CCSER1: variants seen among roughly 807,000 people sequenced by gnomAD.
CCSER1 encodes serine-rich coiled-coil domain-containing protein 1.
CCSER1 carries 41 observed loss-of-function variants against 82.0 expected under a neutral mutation model. The observed-to-expected ratio is 0.50, with a 90% CI of 0.39 to 0.65. The LOEUF is 0.65. Ranked by LOEUF, CCSER1 falls within the 30% of genes least tolerant of loss-of-function variation. The probability of loss-of-function intolerance (pLI) is 0.00; values close to 1 mark genes in which losing one functional copy is unlikely to be tolerated. For missense variants in CCSER1, 1,119 were observed against 1,064.2 expected, an observed-to-expected ratio of 1.05 and a Z score of -0.72; for synonymous variants, 414 against 383.9, an observed-to-expected ratio of 1.08 and a Z score of -0.92.
At chr4:91,123,652 C>T (rs1727275064) in intron 10 of CCSER1, among the ~76,000 whole-genome samples, 1 of 151,850 alleles carries the variant, frequency 6.6e-6, no homozygotes, top group South Asian at 2.1e-4. Flanking sequence ...TCACTTACCG[C>T]ATTTGTGTGA....
At chr4:90,581,593 G>T (rs1696100147) in intron 5 of CCSER1, among the ~76,000 whole-genome samples, 1 of 152,012 alleles carries the variant, frequency 6.6e-6, no homozygotes, top group Admixed American at 6.6e-5. Context: ...AAATTGTCAA[G>T]AATTATTTTG....
chr4:90,217,193 C>A (rs941296090), intron 1 of CCSER1, among the ~76,000 whole-genome samples: 5 of 151,870 alleles, frequency 3.3e-5, no homozygotes, highest in African/African-American at 9.7e-5. Flanking sequence ...AGTCTTTAGA[C>A]GTTTTTTTGT....
intron 10 of CCSER1, among the ~76,000 whole-genome samples, chr4:91,302,619 A>AAAT (rs1271432819): frequency 6.6e-6 from 1 of 151,990 alleles, no homozygotes; most frequent in African/African-American, 2.4e-5. Context: ...ATTGTGATAT[A>AAAT]AATCCAAACT....
rs201023511 is a variant in CCSER1 at position 91,250,671 on chromosome 4, C to CT, written c.2217+164685dup. On this transcript the variant is annotated intron_variant, in intron 10 of 10. Coordinates refer to ENST00000509176, the MANE Select transcript of CCSER1 (RefSeq NM_001145065.2). ...TGCATCCTAGATATTTAAATGATGC[C>CT]TTTTTTTTGGTAGTTCTGTTCTCAG... Among the ~76,000 whole-genome samples, 245 of 150,088 alleles carry CT rather than the reference C, an allele frequency of 1.6e-3. 2 individuals carry two copies. The highest frequency in any genetic ancestry group is 4.9e-3 in the African/African-American group (199 of 40,860).
At chr4:90,937,727 A>G (rs1471123294) in intron 9 of CCSER1, among the ~76,000 whole-genome samples, 3 of 152,122 alleles carry the variant, frequency 2.0e-5, no homozygotes, top group African/African-American at 4.8e-5. Context: ...TAACCATTTC[A>G]TCTGGAATAC....
At chr4:90,534,097 T>G (rs1221832458) in intron 5 of CCSER1, among the ~76,000 whole-genome samples, 1 of 152,328 alleles carries the variant, frequency 6.6e-6, no homozygotes, top group South Asian at 2.1e-4. Context: ...GTCACTAGGC[T>G]AGGCACTTGG....
rs907013983 is a variant in CCSER1, at chr4:90,207,891, C to T, written c.-42+80060C>T. Among the ~76,000 whole-genome samples the T allele has an allele frequency of 5.3e-5, 8 of 152,258 alleles. No homozygotes were observed. In the South Asian group the frequency reaches 6.2e-4, roughly 12 times the overall value. On this transcript the variant is annotated intron_variant, in intron 1 of 10. Coordinates refer to ENST00000509176, the MANE Select transcript of CCSER1 (RefSeq NM_001145065.2). ...GGAAGCTTCGTCCTAGAGGGGCACC[C>T]GCCAGATGCCAGCCAGAGTGCTCCT...
At chr4:91,498,592 T>C (rs972866932) in intron 10 of CCSER1, among the ~76,000 whole-genome samples, 2 of 151,812 alleles carry the variant, frequency 1.3e-5, no homozygotes, top group African/African-American at 4.8e-5. Flanking sequence ...AAAATAGTAA[T>C]AATTAATAGG....
chr4:91,124,029 A>T (rs1727301621), intron 10 of CCSER1, among the ~76,000 whole-genome samples: 1 of 151,764 alleles, frequency 6.6e-6, no homozygotes, highest in African/African-American at 2.4e-5. Flanking sequence ...AAGTTCAGTG[A>T]TAGAATTGCC....
intron 1 of CCSER1, among the ~76,000 whole-genome samples, chr4:90,141,020 A>ATTATCTATCTATCTATC (rs146218548): frequency 1.6e-4 from 23 of 145,984 alleles, no homozygotes; most frequent in African/African-American, 4.3e-4. Flanking sequence ...ACCCAGCAAG[A>ATTATCTATCTATCTATC]TATCTATCTA....
intron 7 of CCSER1, among the ~76,000 whole-genome samples, chr4:90,749,544 C>T (rs953997974): frequency 6.6e-6 from 1 of 151,980 alleles, no homozygotes; most frequent in Admixed American, 6.6e-5. Context: ...TCCATATGAA[C>T]TTTAAAGTAG....
chr4:91,032,565 G>A (rs148494154), intron 9 of CCSER1, among the ~76,000 whole-genome samples: 36 of 152,276 alleles, frequency 2.4e-4, no homozygotes, highest in Middle Eastern at 6.8e-3. Context: ...TAACAAATAG[G>A]ATTTTGATAG....
intron 6 of CCSER1, among the ~76,000 whole-genome samples, chr4:90,693,741 G>A (rs1736458687): frequency 1.3e-5 from 2 of 151,770 alleles, no homozygotes; most frequent in African/African-American, 4.8e-5. Flanking sequence ...ATATAGATAT[G>A]GCTTTAAATT....
At chr4:90,915,674 G>A (rs1727258749) in intron 8 of CCSER1, among the ~76,000 whole-genome samples, 2 of 151,760 alleles carry the variant, frequency 1.3e-5, no homozygotes, top group South Asian at 2.1e-4. Context: ...GGTCAATCAG[G>A]CAGGAGAAAG....
At position 90,781,926 on chromosome 4, in the gene CCSER1, A is replaced by G. The variant is rs1476036485; in HGVS notation, c.2011-33836A>G. The G allele has an allele frequency of 3.2e-6, 3 of 927,134 alleles. No homozygotes were observed. In the African/African-American group the frequency reaches 5.4e-5, roughly 17 times the overall value. The allele number at this position is 927,134 out of a possible 1,614,324, so 57.4% of individuals were successfully genotyped here. On this transcript the variant is annotated intron_variant, in intron 7 of 10. Transcript: ENST00000509176. ...AAAAAAAGATAAAATCGTATTGAAG[A>G]GACTGTTGAATATGAACGCAGTGTA...
chr4:91,083,688 T>C (rs1723059525), intron 9 of CCSER1, among the ~76,000 whole-genome samples: 1 of 152,104 alleles, frequency 6.6e-6, no homozygotes, highest in African/African-American at 2.4e-5. Context: ...ATTAAACTTC[T>C]AGAAATGAAA....
chr4:91,268,890 T>C (rs1344574982), intron 10 of CCSER1, among the ~76,000 whole-genome samples: 1 of 152,172 alleles, frequency 6.6e-6, no homozygotes, highest in African/African-American at 2.4e-5. Context: ...TTCACTTCTT[T>C]TGTGATTCTT....
chr4:91,423,935 G>A (rs971414519), intron 10 of CCSER1, among the ~76,000 whole-genome samples: 4 of 142,786 alleles, frequency 2.8e-5, no homozygotes, highest in Non-Finnish European at 6.1e-5. Context: ...AATAGCTGAA[G>A]AATGAGGAAA....
chr4:90,607,367 C>A (rs574896000), intron 5 of CCSER1, among the ~76,000 whole-genome samples: 5 of 152,186 alleles, frequency 3.3e-5, no homozygotes, highest in African/African-American at 1.2e-4. Flanking sequence ...CTAAGGCTGC[C>A]ATACCAAATT....
Sources: gnomAD v4.1 joint callset for allele counts (sites outside exome capture counted in the v4.1 genomes callset) on GRCh38, gnomAD v4.1.1 for gene constraint, MANE v1.5 for transcripts, NCBI Gene and HGNC (gene_info 2026-07-23, HGNC 2026-07-21) for gene names.